Variants in TENM3 observed in about 807,000 individuals in gnomAD.
TENM3 encodes teneurin-3.
In TENM3, 63 loss-of-function variants were observed where a neutral mutation model predicts 255.1. That is an observed-to-expected ratio of 0.25 (90% confidence interval 0.20 to 0.30). The LOEUF is 0.30. TENM3 is among the 10% of genes least tolerant of loss of function. TENM3 has a pLI of 1.00. For synonymous variants in TENM3, 1,306 were observed against 1,322.3 expected (o/e 0.99, Z 0.27); for missense variants, 2,929 against 3,461.1 (o/e 0.85, Z 3.86).
At chr4:181,972,078 C>A in the TENM3 span, among the ~76,000 whole-genome samples, 1 of 151,240 alleles carries the variant, frequency 6.6e-6, no homozygotes, top group Non-Finnish European at 1.5e-5. Flanking sequence ...GTATGGGAAA[C>A]TACTTTCCAG....
intron 3 of TENM3, among the ~76,000 whole-genome samples, chr4:182,515,999 T>G (rs771548540): frequency 7.9e-5 from 12 of 152,226 alleles, no homozygotes; most frequent in Non-Finnish European, 1.0e-4. Flanking sequence ...AAAAAGTTTA[T>G]TGTTGAGTCC....
chr4:182,663,287 T>C (rs1012703177), intron 6 of TENM3, among the ~76,000 whole-genome samples: 4 of 152,212 alleles, frequency 2.6e-5, no homozygotes, highest in African/African-American at 9.6e-5. Flanking sequence ...AAAATAGCTA[T>C]ACAAATTTAA....
chr4:182,441,372 G>A (rs1772470363), intron 3 of TENM3, among the ~76,000 whole-genome samples: 1 of 152,208 alleles, frequency 6.6e-6, no homozygotes, highest in African/African-American at 2.4e-5. Flanking sequence ...TTACAGAATA[G>A]TGTGATGTAT....
Position 182,731,835 on chromosome 4 carries a change from G to A in TENM3, c.2967+696G>A, listed in dbSNP as rs373757184. Among the ~76,000 whole-genome samples, 21 of 149,660 alleles carry A rather than the reference G, an allele frequency of 1.4e-4. No homozygotes were observed. The East Asian group carries it at 1.6e-3, about 11-fold the overall frequency. On this transcript the variant is annotated intron_variant, in intron 16 of 27. Transcript: ENST00000511685. ...CTCGCTCTGTCGCCCAGGCTGGAGT[G>A]CAGTGGCACGATCTCGGCTCACTGC...
chr4:181,455,191 A>T, the TENM3 span, among the ~76,000 whole-genome samples: 9 of 152,132 alleles, frequency 5.9e-5, no homozygotes, highest in East Asian at 1.5e-3. Flanking sequence ...TAAAAGTACT[A>T]GGTATAGCAA....
At chr4:182,511,801 T>A (rs1250046760) in intron 3 of TENM3, among the ~76,000 whole-genome samples, 1 of 152,304 alleles carries the variant, frequency 6.6e-6, no homozygotes, top group Non-Finnish European at 1.5e-5. Flanking sequence ...ACATATGACC[T>A]CTGAAGGACT....
At chr4:182,670,876 A>T (rs1297874179) in intron 6 of TENM3, among the ~76,000 whole-genome samples, 1 of 152,334 alleles carries the variant, frequency 6.6e-6, no homozygotes, top group Middle Eastern at 3.4e-3. Context: ...ATTTACCCAT[A>T]ATCAGTCTTC....
chr4:182,041,119 G>A, the TENM3 span, among the ~76,000 whole-genome samples: 16 of 152,154 alleles, frequency 1.1e-4, no homozygotes, highest in African/African-American at 3.4e-4. Context: ...GGAGCACAGC[G>A]TAACCTAAGA....
the TENM3 span, among the ~76,000 whole-genome samples, chr4:181,800,735 G>T: frequency 4.6e-5 from 7 of 152,166 alleles, no homozygotes; most frequent in Non-Finnish European, 7.3e-5. Context: ...CTGTAAAATG[G>T]AAATAATGGT....
At chr4:182,438,377 C>T (rs1012608879) in intron 3 of TENM3, among the ~76,000 whole-genome samples, 1 of 152,160 alleles carries the variant, frequency 6.6e-6, no homozygotes, top group East Asian at 1.9e-4. Flanking sequence ...CATGCATTTT[C>T]CTGGCGCTGG....
intron 24 of TENM3, among the ~76,000 whole-genome samples, chr4:182,781,481 G>C (rs1037664762): frequency 6.6e-6 from 1 of 151,728 alleles, no homozygotes; most frequent in African/African-American, 2.4e-5. Context: ...GAGGATTTTT[G>C]CATCAATGTT....
chr4:181,687,291 T>C, the TENM3 span, among the ~76,000 whole-genome samples: 7 of 152,160 alleles, frequency 4.6e-5, no homozygotes, highest in African/African-American at 1.7e-4. Flanking sequence ...TGCATTGTAA[T>C]GAAACGATTT....
At chr4:181,572,211 A>C in the TENM3 span, among the ~76,000 whole-genome samples, 15 of 152,182 alleles carry the variant, frequency 9.9e-5, no homozygotes, top group African/African-American at 3.4e-4. Context: ...AACTTTCCTA[A>C]AAACAAAAGT....
chr4:182,580,197 C>A (rs1295603328), intron 3 of TENM3, among the ~76,000 whole-genome samples: 2 of 152,058 alleles, frequency 1.3e-5, no homozygotes, highest in Non-Finnish European at 2.9e-5. Context: ...TGAGAGCTGT[C>A]ATTTCTCTTA....
At chr4:181,983,668 G>C in the TENM3 span, among the ~76,000 whole-genome samples, 1 of 152,112 alleles carries the variant, frequency 6.6e-6, no homozygotes, top group South Asian at 2.1e-4. Context: ...ATGATTTTCT[G>C]TTATGCATCA....
intron 1 of TENM3, among the ~76,000 whole-genome samples, chr4:182,262,720 C>CTTTTT (rs535703415): frequency 1.1e-4 from 15 of 133,308 alleles, no homozygotes; most frequent in African/African-American, 2.7e-4. Context: ...CCTTTACTTT[C>CTTTTT]TTTTTTTTTT....
chr4:182,089,685 C>T, the TENM3 span, among the ~76,000 whole-genome samples: 8 of 152,248 alleles, frequency 5.3e-5, no homozygotes, highest in African/African-American at 1.9e-4. Flanking sequence ...TTCAGGATAC[C>T]AGGTCCTGGG....
In TENM3 at chr4:182,583,333, CTGTGTGTGTGTGTGTGTGTGTGTG is replaced by C. The variant is rs3073440; in HGVS notation, c.512-17569_512-17546del. Among the ~76,000 whole-genome samples the C allele has an allele frequency of 6.1e-4, 88 of 143,516 alleles. 1 individual carries two copies. Among genetic ancestry groups the C allele is most frequent in the Admixed American group, 2.3e-3 (32 of 14,218 alleles). The allele number at this position is 143,516 out of a possible 152,430, so 94.2% of individuals were successfully genotyped here. A position where few individuals can be genotyped will look rare whatever the true frequency, so the allele number is the denominator to read the frequency against. ...GAGTTAGCAACTGAAGCTTAAACCT[CTGTGTGTGTGTGTGTGTGTGTGTG>C]TGTGTGTGTGTGTGTGTGTGTATTT... On this transcript the variant is annotated intron_variant, in intron 3 of 27. Transcript: ENST00000511685.
chr4:181,490,822 T>G, the TENM3 span, among the ~76,000 whole-genome samples: 1 of 152,282 alleles, frequency 6.6e-6, no homozygotes, highest in Admixed American at 6.5e-5. Flanking sequence ...CTTTTACCCT[T>G]TGATGAGTCT....
Sources: gnomAD v4.1 joint callset for allele counts (sites outside exome capture counted in the v4.1 genomes callset) on GRCh38, gnomAD v4.1.1 for gene constraint, MANE v1.5 for transcripts, NCBI Gene and HGNC (gene_info 2026-07-23, HGNC 2026-07-21) for gene names.